The following CRIM1 variants were observed in gnomAD, a reference collection of about 807,000 sequenced individuals.
CRIM1 encodes cysteine-rich motor neuron 1 protein.
CRIM1 carries 32 observed loss-of-function variants against 116.4 expected under a neutral mutation model. The observed-to-expected ratio is 0.27, with a 90% CI of 0.21 to 0.37. The LOEUF is 0.37. Ranked by LOEUF, CRIM1 falls within the 10% of genes least tolerant of loss-of-function variation. CRIM1 has a pLI of 1.00. For synonymous variants in CRIM1, 590 were observed against 509.2 expected (o/e 1.16, Z -2.13); for missense variants, 1,331 against 1,354.8 (o/e 0.98, Z 0.28).
intron 1 of CRIM1, among the ~76,000 whole-genome samples, chr2:36,381,325 G>A (rs866818091): frequency 9.2e-5 from 14 of 152,302 alleles, no homozygotes; most frequent in African/African-American, 2.4e-4. Context: ...GGCAGCTCCC[G>A]CTAGACTCCC....
At chr2:36,538,857 A>G (rs183543514) in intron 14 of CRIM1, among the ~76,000 whole-genome samples, 3 of 152,358 alleles carry the variant, frequency 2.0e-5, no homozygotes, top group African/African-American at 7.2e-5. Context: ...TATCTAGTGT[A>G]TATTCACCTA....
intron 7 of CRIM1, among the ~76,000 whole-genome samples, chr2:36,491,544 C>T (rs1053577800): frequency 6.6e-6 from 1 of 152,166 alleles, no homozygotes; most frequent in Non-Finnish European, 1.5e-5. Context: ...AATGGGAGCT[C>T]TTCTTTGCCA....
chr2:36,423,837 A>G (rs879728568), intron 2 of CRIM1, among the ~76,000 whole-genome samples: 10 of 152,322 alleles, frequency 6.6e-5, no homozygotes, highest in Admixed American at 3.9e-4. Context: ...TTGATGTGTT[A>G]GTTAATACCT....
At chr2:36,524,511 C>G (rs1456457418) in intron 13 of CRIM1, among the ~76,000 whole-genome samples, 1 of 151,964 alleles carries the variant, frequency 6.6e-6, no homozygotes, top group Non-Finnish European at 1.5e-5. Context: ...GTTCACAAGT[C>G]AACCAGGGAT....
intron 5 of CRIM1, among the ~76,000 whole-genome samples, chr2:36,469,031 A>G (rs540480471): frequency 2.0e-5 from 3 of 152,346 alleles, no homozygotes; most frequent in Admixed American, 1.3e-4. Context: ...TGAAACTACC[A>G]GAAATATTTT....
intron 13 of CRIM1, 48 bp downstream of exon 13, chr2:36,522,361 A>C: frequency 1.4e-6 from 2 of 1,398,104 alleles, no homozygotes; most frequent in Non-Finnish European, 2.0e-6. Context: ...GTTGTCACTA[A>C]ATCTGTATTG....
chr2:36,522,343 C>A, intron 13 of CRIM1, 30 bp downstream of exon 13: 2 of 1,513,744 alleles, frequency 1.3e-6, no homozygotes, highest in Non-Finnish European at 1.8e-6. Flanking sequence ...AATCCCTCAT[C>A]TCTACCAGTT....
intron 7 of CRIM1, among the ~76,000 whole-genome samples, chr2:36,485,430 C>G (rs1432613203): frequency 6.6e-6 from 1 of 152,186 alleles, no homozygotes. Context: ...ATATTGTCGT[C>G]TTCTTCATCA....
At chr2:36,542,611 C>T (rs1432132886) in intron 14 of CRIM1, among the ~76,000 whole-genome samples, 1 of 152,232 alleles carries the variant, frequency 6.6e-6, no homozygotes, top group African/African-American at 2.4e-5. Context: ...ATTGGTGTCG[C>T]ATTTGCCCTT....
chr2:36,485,021 T>C (rs981141616), intron 7 of CRIM1, among the ~76,000 whole-genome samples: 4 of 152,252 alleles, frequency 2.6e-5, no homozygotes, highest in Admixed American at 6.5e-5. Context: ...GTATTCAGTA[T>C]TTTTTAAGTT....
At chr2:36,386,251 C>T (rs1486500192) in intron 1 of CRIM1, among the ~76,000 whole-genome samples, 3 of 152,114 alleles carry the variant, frequency 2.0e-5, no homozygotes, top group African/African-American at 4.8e-5. Flanking sequence ...TAATTATTGT[C>T]ATAATACACA....
chr2:36,501,151 C>G (rs918548126), intron 8 of CRIM1, among the ~76,000 whole-genome samples: 1 of 152,194 alleles, frequency 6.6e-6, no homozygotes, highest in African/African-American at 2.4e-5. Context: ...ATCTCTCTCA[C>G]ACACAGTACT....
chr2:36,500,209 T>C (rs1292359821), intron 8 of CRIM1, among the ~76,000 whole-genome samples: 1 of 151,772 alleles, frequency 6.6e-6, no homozygotes, highest in Non-Finnish European at 1.5e-5. Context: ...TATGCGCCAG[T>C]GGTCCCAGCT....
chr2:36,534,159 AGAAG>A lies in CRIM1; in HGVS notation c.2429-3178_2429-3175del, dbSNP rs199981889. ...ATGAGGGAGAGGGCAGGAAGGGGGA[AGAAG>A]GAAGGAAGGAAGGAGGGAGTGGGAA... On this transcript the variant is annotated intron_variant, in intron 13 of 16. Coordinates refer to ENST00000280527, the MANE Select transcript of CRIM1 (RefSeq NM_016441.3). Among the ~76,000 whole-genome samples, 442 of 117,252 alleles carry A rather than the reference AGAAG, an allele frequency of 3.8e-3. 3 individuals are homozygous for A. The highest frequency in any genetic ancestry group is 0.012 in the African/African-American group (356 of 30,262). 76.9% of individuals were successfully genotyped at this position (117,252 alleles called of 152,430 possible). A position where few individuals can be genotyped will look rare whatever the true frequency, so the allele number is the denominator to read the frequency against.
chr2:36,506,161 T>TC (rs944514791), intron 8 of CRIM1, among the ~76,000 whole-genome samples: 2 of 67,396 alleles, frequency 3.0e-5, no homozygotes, highest in African/African-American at 8.4e-5. Flanking sequence ...ACACACACTC[T>TC]CTCTCTCTCT....
intron 2 of CRIM1, among the ~76,000 whole-genome samples, chr2:36,415,807 T>C (rs574049987): frequency 6.6e-6 from 1 of 152,362 alleles, no homozygotes; most frequent in Admixed American, 6.5e-5. Context: ...TCTGTGTGCT[T>C]ATCATACCAC....
intron 15 of CRIM1, among the ~76,000 whole-genome samples, chr2:36,545,531 G>C (rs1667264010): frequency 6.6e-6 from 1 of 152,102 alleles, no homozygotes; most frequent in Admixed American, 6.6e-5. Context: ...TGCATCAATA[G>C]CAAGAAAATG....
At chr2:36,541,538 C>CA (rs1333608487) in intron 14 of CRIM1, among the ~76,000 whole-genome samples, 4 of 152,046 alleles carry the variant, frequency 2.6e-5, no homozygotes, top group Non-Finnish European at 5.9e-5. Flanking sequence ...TTCCATCTCC[C>CA]AAAAAAATGC....
intron 13 of CRIM1, among the ~76,000 whole-genome samples, chr2:36,534,575 A>AC: frequency 2.3e-5 from 3 of 129,222 alleles, no homozygotes; most frequent in Non-Finnish European, 3.3e-5. Context: ...GGAAGGGAGG[A>AC]AGGAAGGGAG....
Sources: allele counts gnomAD v4.1 joint callset (sites outside exome capture counted in the v4.1 genomes callset), GRCh38; gene constraint gnomAD v4.1.1; transcripts MANE v1.5; gene names NCBI Gene and HGNC (gene_info 2026-07-23, HGNC 2026-07-21).